The following ADAMTSL3 variants were observed in gnomAD, a reference collection of about 807,000 sequenced individuals.
ADAMTSL3 encodes the protein ADAMTS like 3.
In ADAMTSL3, 128 loss-of-function variants were observed where a neutral mutation model predicts 201.7. That is an observed-to-expected ratio of 0.63 (90% CI 0.55 to 0.73). ADAMTSL3 has a LOEUF of 0.73. Ranked by LOEUF, ADAMTSL3 falls within the 30% of genes least tolerant of loss-of-function variation. ADAMTSL3 has a pLI of 0.00. For synonymous variants in ADAMTSL3, 738 were observed against 748.4 expected (o/e 0.99, Z 0.23); for missense variants, 1,990 against 2,119.6 (o/e 0.94, Z 1.20).
At chr15:83,669,301 A>G (rs1278350042) in intron 2 of ADAMTSL3, among the ~76,000 whole-genome samples, 1 of 151,520 alleles carries the variant, frequency 6.6e-6, no homozygotes, top group Non-Finnish European at 1.5e-5. Flanking sequence ...GTGCACCACC[A>G]CGCGCGGCTA....
chr15:83,703,428 A>C (rs968242114), intron 2 of ADAMTSL3, among the ~76,000 whole-genome samples: 2 of 152,064 alleles, frequency 1.3e-5, no homozygotes, highest in African/African-American at 4.8e-5. Flanking sequence ...TCCCCACTCA[A>C]ATCTCATCTT....
chr15:83,827,462 G>A (rs187336716), intron 6 of ADAMTSL3, among the ~76,000 whole-genome samples: 3 of 152,242 alleles, frequency 2.0e-5, no homozygotes, highest in Admixed American at 2.0e-4. Flanking sequence ...TCTATAGGTT[G>A]CCTGTTCACT....
At chr15:83,971,580 AAG>A (rs1555466554) in intron 20 of ADAMTSL3, among the ~76,000 whole-genome samples, 1 of 149,412 alleles carries the variant, frequency 6.7e-6, no homozygotes, top group East Asian at 1.9e-4. Flanking sequence ...AAAAAAAAGA[AAG>A]AAAGAAAAAA....
At chr15:83,740,178 C>CT (rs762442738) in intron 3 of ADAMTSL3, 28 of 225,164 alleles carry the variant, frequency 1.2e-4, no homozygotes, top group Non-Finnish European at 8.7e-5. Flanking sequence ...GTGCACAGGG[C>CT]TTTAGGGTTT....
intron 14 of ADAMTSL3, among the ~76,000 whole-genome samples, chr15:83,899,061 CATAG>C (rs1000747229): frequency 6.6e-6 from 1 of 152,268 alleles, no homozygotes; most frequent in Admixed American, 6.5e-5. Context: ...TTTCTCACTT[CATAG>C]ATAGATTATT....
intron 3 of ADAMTSL3, among the ~76,000 whole-genome samples, chr15:83,761,885 A>G (rs907561672): frequency 2.0e-5 from 3 of 152,200 alleles, no homozygotes; most frequent in African/African-American, 7.2e-5. Context: ...TAGTAGGTAT[A>G]AACACTGATT....
chr15:83,968,488 C>T (rs1463288819), intron 19 of ADAMTSL3, among the ~76,000 whole-genome samples: 3 of 152,130 alleles, frequency 2.0e-5, no homozygotes, highest in East Asian at 1.9e-4. Context: ...GTTAGAATGG[C>T]GATCATTAAG....
chr15:83,703,192 A>T (rs2061800429), intron 2 of ADAMTSL3, among the ~76,000 whole-genome samples: 1 of 151,906 alleles, frequency 6.6e-6, no homozygotes, highest in South Asian at 2.1e-4. Context: ...CAATACCTAT[A>T]CCCTCATTGT....
chr15:84,014,086 A>T lies in ADAMTSL3; in HGVS notation c.3974-456A>T, dbSNP rs144731708. ...CTGAGGGAGGAATGTTTCATTGCTTATGCACAGCAAACAACTTAAAGACCT... is the reference window on the plus strand; with the variant it reads ...CTGAGGGAGGAATGTTTCATTGCTTTTGCACAGCAAACAACTTAAAGACCT... On this transcript the variant is annotated intron_variant, in intron 23 of 29. Transcript: ENST00000286744. Among the ~76,000 whole-genome samples the T allele has an allele frequency of 2.6e-5, 4 of 152,324 alleles. No individual in the cohort carries two copies. In the East Asian group the frequency reaches 5.8e-4, roughly 22 times the overall value.
chr15:83,895,266 A>C, intron 13 of ADAMTSL3, among the ~76,000 whole-genome samples: 1 of 152,202 alleles, frequency 6.6e-6, no homozygotes, highest in East Asian at 1.9e-4. Flanking sequence ...TCTCAGCTGC[A>C]AAAGGATTTG....
intron 3 of ADAMTSL3, among the ~76,000 whole-genome samples, chr15:83,732,917 T>C (rs1212095749): frequency 6.6e-6 from 1 of 152,176 alleles, no homozygotes; most frequent in Non-Finnish European, 1.5e-5. Context: ...TAATGGATAT[T>C]GTCATAAATG....
At chr15:83,943,529 C>G (rs1241385113) in intron 19 of ADAMTSL3, among the ~76,000 whole-genome samples, 1 of 152,160 alleles carries the variant, frequency 6.6e-6, no homozygotes, top group African/African-American at 2.4e-5. Context: ...TTCATCATGG[C>G]AAGCTTGAAT....
intron 19 of ADAMTSL3, 44 bp from the exon 20 acceptor site, chr15:83,970,440 C>T (rs752406348): frequency 6.2e-7 from 1 of 1,611,004 alleles, no homozygotes; most frequent in Non-Finnish European, 8.5e-7. Context: ...CTGGGTCTGC[C>T]TGCTCATGCT....
chr15:83,877,582 A>C (rs2065199969), intron 9 of ADAMTSL3, among the ~76,000 whole-genome samples: 1 of 152,188 alleles, frequency 6.6e-6, no homozygotes, highest in Non-Finnish European at 1.5e-5. Context: ...GCTTTTCTTG[A>C]CACTGCATTT....
intron 5 of ADAMTSL3, among the ~76,000 whole-genome samples, chr15:83,806,028 A>G (rs1355973195): frequency 6.9e-6 from 1 of 144,900 alleles, no homozygotes; most frequent in African/African-American, 2.6e-5. Context: ...CACATTGTGC[A>G]CTGCCCACCT....
intron 3 of ADAMTSL3, among the ~76,000 whole-genome samples, chr15:83,771,741 A>T (rs964256576): frequency 1.6e-4 from 25 of 152,270 alleles, no homozygotes; most frequent in Admixed American, 1.6e-3. Context: ...ATGAGTGTGC[A>T]GATATCTCTT....
chr15:83,743,660 G>T (rs935663525), intron 3 of ADAMTSL3, among the ~76,000 whole-genome samples: 1 of 152,134 alleles, frequency 6.6e-6, no homozygotes, highest in African/African-American at 2.4e-5. Flanking sequence ...AGCCGTGGCT[G>T]GGGAGGGGAG....
At chr15:83,974,345 A>G (rs2067245570) in intron 20 of ADAMTSL3, among the ~76,000 whole-genome samples, 1 of 152,206 alleles carries the variant, frequency 6.6e-6, no homozygotes, top group South Asian at 2.1e-4. Context: ...AATAGTCTTT[A>G]TACCTACCTC....
intron 4 of ADAMTSL3, among the ~76,000 whole-genome samples, chr15:83,782,263 G>A (rs920621795): frequency 6.6e-6 from 1 of 152,036 alleles, no homozygotes; most frequent in African/African-American, 2.4e-5. Flanking sequence ...GATCACTTGA[G>A]GTCAGGAGTT....
Sources: allele counts gnomAD v4.1 joint callset (sites outside exome capture counted in the v4.1 genomes callset), GRCh38; gene constraint gnomAD v4.1.1; transcripts MANE v1.5; gene names NCBI Gene and HGNC (gene_info 2026-07-23, HGNC 2026-07-21).